CELF2: variants seen among roughly 807,000 people sequenced by gnomAD.
The protein encoded by CELF2 is CUG triplet repeat RNA-binding protein 2.
A neutral mutation model predicts 62.6 loss-of-function variants in CELF2; 8 were observed. The ratio of observed to expected loss-of-function variants is 0.13; its 90% CI spans 0.07 to 0.23. The LOEUF is 0.23. Among genes scored for constraint, CELF2 ranks in the 10% least tolerant of loss-of-function variants. The pLI is 1.00. For missense variants in CELF2, 333 were observed against 671.0 expected (o/e 0.50, Z 5.56); for synonymous variants, 258 against 250.0 (o/e 1.03, Z -0.30).
At chr10:10,740,152 G>GTTT in the CELF2 span, among the ~76,000 whole-genome samples, 3 of 42,842 alleles carry the variant, frequency 7.0e-5, no homozygotes, top group Admixed American at 3.5e-4. Flanking sequence ...TGTTGCCTGT[G>GTTT]CTTTTTTTTT....
chr10:10,892,328 C>G (rs1464642629), intron 1 of CELF2, among the ~76,000 whole-genome samples: 1 of 152,134 alleles, frequency 6.6e-6, no homozygotes, highest in Non-Finnish European at 1.5e-5. Context: ...CACCTGGGCC[C>G]AGGTTCCAGT....
chr10:10,465,091 C>T, the CELF2 span, among the ~76,000 whole-genome samples: 4 of 152,226 alleles, frequency 2.6e-5, no homozygotes, highest in African/African-American at 9.6e-5. Context: ...TGTTATTTTA[C>T]ACACAGACAT....
intron 1 of CELF2, among the ~76,000 whole-genome samples, chr10:10,890,698 G>A (rs182439117): frequency 6.6e-6 from 1 of 152,292 alleles, no homozygotes; most frequent in African/African-American, 2.4e-5. Context: ...CCACAACAGA[G>A]AAGAGACAGG....
At chr10:10,666,027 T>G in the CELF2 span, among the ~76,000 whole-genome samples, 3 of 152,226 alleles carry the variant, frequency 2.0e-5, no homozygotes, top group African/African-American at 4.8e-5. Context: ...TCTCACCGCT[T>G]GCAAAGCAGA....
chr10:10,698,093 G>A, the CELF2 span, among the ~76,000 whole-genome samples: 13 of 152,150 alleles, frequency 8.5e-5, no homozygotes, highest in Non-Finnish European at 1.9e-4. Context: ...GGGGGGTGGG[G>A]CACACACCTT....
intron 1 of CELF2, among the ~76,000 whole-genome samples, chr10:10,904,228 A>AT (rs11374267): frequency 0.83 from 123,630 of 148,312 alleles, 51,535 homozygotes; most frequent in East Asian, 0.92. Flanking sequence ...TCCATTTTTA[A>AT]TTTTTTTTTT....
intron 1 of CELF2, among the ~76,000 whole-genome samples, chr10:11,096,081 G>A (rs2142189613): frequency 6.6e-6 from 1 of 152,264 alleles, no homozygotes; most frequent in Non-Finnish European, 1.5e-5. Flanking sequence ...CAAACAAGTA[G>A]CCTCATGTTG....
chr10:10,632,151 C>T, the CELF2 span, among the ~76,000 whole-genome samples: 5 of 152,124 alleles, frequency 3.3e-5, no homozygotes, highest in Non-Finnish European at 5.9e-5. Flanking sequence ...ATAGTCTCAT[C>T]ACTAAAACTA....
the CELF2 span, among the ~76,000 whole-genome samples, chr10:10,678,614 G>A: frequency 6.6e-6 from 1 of 151,854 alleles, no homozygotes; most frequent in African/African-American, 2.4e-5. Context: ...CGGCCAAAAG[G>A]CCAGAAACTG....
rs2082772709 is a variant in CELF2, at chr10:11,268,458, C to T, written c.618+1781C>T. Among the ~76,000 whole-genome samples the T allele has an allele frequency of 6.6e-6, 1 of 152,094 alleles. No individual in the cohort carries two copies. The highest frequency in any genetic ancestry group is 2.1e-4 in the South Asian group (1 of 4,824). ...GGACAACCCACGGGAGACCATGTTC[C>T]CCTGTGTTCCTGTAGAAGGAGGACT... is the stretch of plus-strand genomic sequence containing the variant. On this transcript the variant is annotated intron_variant, in intron 6 of 12. Transcript: ENST00000633077. This position sits in a 1 kb window ranked among gnomAD's most constrained non-coding sequence, Gnocchi z 4.7.
At position 11,005,377 on chromosome 10, in the gene CELF2, A is replaced by C; in HGVS notation, c.-11A>C. ...TGAACTGGCTTTTGTTGAGACTATC[A>C]GTATAGAAGCATGCGCTGTCCCAAA... On this transcript the variant is annotated 5_prime_UTR_variant, in exon 1 of 13. Transcript: ENST00000416382. The surrounding 1 kb of genome is among the most constrained non-coding windows in gnomAD (Gnocchi z 4.3). 6.2e-7 allele frequency: 1 copy of C among 1,613,190 alleles called. No individual in the cohort carries two copies. Among genetic ancestry groups the C allele is most frequent in the Non-Finnish European group, 8.5e-7 (1 of 1,179,686 alleles).
At chr10:10,510,459 T>A in the CELF2 span, among the ~76,000 whole-genome samples, 5 of 152,200 alleles carry the variant, frequency 3.3e-5, no homozygotes, top group Admixed American at 6.5e-5. Flanking sequence ...AATAGCAATA[T>A]CTTCTTTGCG....
chr10:10,985,158 T>C (rs1346394336), intron 2 of CELF2, among the ~76,000 whole-genome samples: 2 of 152,180 alleles, frequency 1.3e-5, no homozygotes, highest in East Asian at 1.9e-4. Flanking sequence ...TTCAAGGAAA[T>C]GTTCTTTCAG....
rs970526467 is a variant in CELF2, at chr10:11,255,496, C to G, written c.404-2242C>G. Among the ~76,000 whole-genome samples, 1 of 152,216 alleles carries G rather than the reference C, an allele frequency of 6.6e-6. No homozygotes were observed. The highest frequency in any genetic ancestry group is 1.5e-5 in the Non-Finnish European group (1 of 68,046). ...CTCCCACCTCCAGTCTCTCCAGACC[C>G]TTCGTCCAGCTTCAATTCCACATCC... On this transcript the variant is annotated intron_variant, in intron 4 of 12. Transcript: ENST00000633077. This position sits in a 1 kb window ranked among gnomAD's most constrained non-coding sequence, Gnocchi z 5.5.
At position 11,214,435 on chromosome 10, in the gene CELF2, C is replaced by G. The variant is rs1354241463; in HGVS notation, c.272-2990C>G. Among the ~76,000 whole-genome samples the G allele has an allele frequency of 1.3e-5, 2 of 152,222 alleles. No individual in the cohort carries two copies. Among genetic ancestry groups the G allele is most frequent in the African/African-American group, 4.8e-5 (2 of 41,454 alleles). Reference sequence around the variant, plus strand: ...GTCTCCTTGTCTGCCCAGGACCCCACATTTGTGTAAGTTGCTAATTGCACA... The same window carrying G: ...GTCTCCTTGTCTGCCCAGGACCCCAGATTTGTGTAAGTTGCTAATTGCACA... On this transcript the variant is annotated intron_variant, in intron 2 of 12. Coordinates refer to ENST00000633077, the MANE Select transcript of CELF2 (RefSeq NM_001326342.2). The surrounding 1 kb of genome is among the most constrained non-coding windows in gnomAD (Gnocchi z 4.2).
chr10:10,767,995 C>CAA, the CELF2 span, among the ~76,000 whole-genome samples: 6 of 23,050 alleles, frequency 2.6e-4, 1 homozygote, highest in East Asian at 0.012. Context: ...GACTCCGTCT[C>CAA]AAAAAAAAAA....
chr10:11,124,841 A>G (rs573572476), intron 1 of CELF2, among the ~76,000 whole-genome samples: 1 of 152,330 alleles, frequency 6.6e-6, no homozygotes, highest in African/African-American at 2.4e-5. Context: ...TGGCTTATGG[A>G]TAGCATATTT....
At chr10:10,591,872 G>T in the CELF2 span, among the ~76,000 whole-genome samples, 1 of 152,142 alleles carries the variant, frequency 6.6e-6, no homozygotes, top group African/African-American at 2.4e-5. Flanking sequence ...TCCTGGCATA[G>T]TGTGTGTTTG....
At position 11,046,816 on chromosome 10, in the gene CELF2, A is replaced by G. The variant is rs1202841279; in HGVS notation, c.74+28653A>G. 2.6e-5 allele frequency among the ~76,000 whole-genome samples: 4 copies of G among 152,146 alleles called. No homozygotes were observed. Among genetic ancestry groups the G allele is most frequent in the Non-Finnish European group, 1.5e-5 (1 of 68,024 alleles). On this transcript the variant is annotated intron_variant, in intron 1 of 12. Coordinates refer to ENST00000633077, the MANE Select transcript of CELF2 (RefSeq NM_001326342.2). The surrounding 1 kb of genome is among the most constrained non-coding windows in gnomAD (Gnocchi z 4.6). ...GCTTAAGCCCTTGGCTTGTTGCTTT[A>G]TTTTCTAAAATTTTAAATTTCATCG...
Sources: allele counts gnomAD v4.1 joint callset (sites outside exome capture counted in the v4.1 genomes callset), GRCh38; gene constraint gnomAD v4.1.1; non-coding constraint Gnocchi (gnomAD v3.1); transcripts MANE v1.5; gene names NCBI Gene and HGNC (gene_info 2026-07-23, HGNC 2026-07-21).